The following NBEA variants were observed in gnomAD, a reference collection of about 807,000 sequenced individuals.
The protein encoded by NBEA is neurobeachin, also known as lysosomal-trafficking regulator 2.
Under a neutral mutation model 343.4 loss-of-function variants are expected in NBEA, and 44 were observed. The observed-to-expected ratio is 0.13, with a 90% CI of 0.10 to 0.16. NBEA has a LOEUF of 0.16. NBEA is among the 10% of genes least tolerant of loss of function. The probability of loss-of-function intolerance (pLI) is 1.00; values close to 1 mark genes in which losing one functional copy is unlikely to be tolerated. For synonymous variants in NBEA, 1,175 were observed against 1,238.7 expected (o/e 0.95, Z 1.08); for missense variants, 2,555 against 3,631.3 (o/e 0.70, Z 7.62).
intron 49 of NBEA, among the ~76,000 whole-genome samples, chr13:35,638,240 A>C (rs933178478): frequency 6.6e-6 from 1 of 152,218 alleles, no homozygotes; most frequent in Non-Finnish European, 1.5e-5. Flanking sequence ...AAAAATGGTT[A>C]AGATGGTAAA....
Position 35,472,317 on chromosome 13 carries a change from A to G in NBEA, c.6449-83A>G, listed in dbSNP as rs893781455. The G allele has an allele frequency of 7.9e-5, 118 of 1,493,168 alleles. 1 individual carries two copies. In the Admixed American group the frequency reaches 2.5e-3, roughly 32 times the overall value. The allele number at this position is 1,493,168 out of a possible 1,614,324, so 92.5% of individuals were successfully genotyped here. On this transcript the variant is annotated intron_variant, in intron 40 of 58. Coordinates refer to ENST00000379939, the MANE Select transcript of NBEA (RefSeq NM_001385012.1). ...CATTTTTTCTAGTGCATCCTTACCA[A>G]TAAAAACCTCTGGTACCTTTCTGGG...
intron 6 of NBEA, among the ~76,000 whole-genome samples, chr13:35,054,425 T>C (rs2063172701): frequency 6.6e-6 from 1 of 152,066 alleles, no homozygotes; most frequent in South Asian, 2.1e-4. Flanking sequence ...CTGATTTTAA[T>C]CAGGGCTAAC....
rs543541596 is a variant in NBEA at position 34,982,273 on chromosome 13, A to C, written c.294+39159A>C. On this transcript the variant is annotated intron_variant, in intron 1 of 58. Transcript: ENST00000379939. ...GATTAGTTAGGAGTGTTGTTTTTGAAGGCATTTCTAAAGATTTTGTTGTTA... is the reference window on the plus strand; with the variant it reads ...GATTAGTTAGGAGTGTTGTTTTTGACGGCATTTCTAAAGATTTTGTTGTTA... Among the ~76,000 whole-genome samples the C allele has an allele frequency of 4.0e-5, 6 of 151,870 alleles. No individual in the cohort carries two copies. The South Asian group carries it at 8.3e-4, about 21-fold the overall frequency.
At chr13:35,081,793 T>G (rs1298139734) in intron 10 of NBEA, among the ~76,000 whole-genome samples, 1 of 152,180 alleles carries the variant, frequency 6.6e-6, no homozygotes, top group African/African-American at 2.4e-5. Context: ...TTTTGTTGAT[T>G]AAAAATACTT....
chr13:34,989,039 T>A (rs1331986504), intron 1 of NBEA, among the ~76,000 whole-genome samples: 1 of 150,884 alleles, frequency 6.6e-6, no homozygotes, highest in Non-Finnish European at 1.5e-5. Flanking sequence ...CTTTTCTGCC[T>A]TCTTTGGATT....
At position 34,943,120 on chromosome 13, in the gene NBEA, GA is replaced by G; in HGVS notation, c.294+10del. 6.2e-7 allele frequency: 1 copy of G among 1,612,976 alleles called. No homozygotes were observed. Among genetic ancestry groups the G allele is most frequent in the Non-Finnish European group, 8.5e-7 (1 of 1,179,606 alleles). ...TGGAGACGGTGCTCAACCTGGTAAGGAAAAGGCGTGCTCTCAATCTGCTTCC... is the reference window on the plus strand; with the variant it reads ...TGGAGACGGTGCTCAACCTGGTAAGGAAAGGCGTGCTCTCAATCTGCTTCC... On this transcript the variant is annotated splice_region_variant and intron_variant, in intron 1 of 58. Transcript: ENST00000379939.
At chr13:35,332,832 A>G (rs550353670) in intron 36 of NBEA, among the ~76,000 whole-genome samples, 8 of 152,258 alleles carry the variant, frequency 5.3e-5, no homozygotes, top group South Asian at 2.1e-4. Flanking sequence ...CAGAATATTC[A>G]CATTCTACAT....
intron 38 of NBEA, among the ~76,000 whole-genome samples, chr13:35,371,520 G>A (rs2105173): frequency 6.6e-6 from 1 of 151,646 alleles, no homozygotes; most frequent in Non-Finnish European, 1.5e-5. Context: ...AATTGGTTTT[G>A]TGATTTATTT....
intron 40 of NBEA, among the ~76,000 whole-genome samples, chr13:35,467,156 AACTG>A (rs1290642296): frequency 6.6e-6 from 1 of 152,156 alleles, no homozygotes; most frequent in Non-Finnish European, 1.5e-5. Flanking sequence ...GTTTTAGGGA[AACTG>A]ACTGTACCAT....
At chr13:35,546,882 G>A (rs2079089145) in intron 41 of NBEA, among the ~76,000 whole-genome samples, 1 of 151,956 alleles carries the variant, frequency 6.6e-6, no homozygotes, top group Admixed American at 6.6e-5. Context: ...AATGTATTAT[G>A]GAATGAAACT....
intron 1 of NBEA, among the ~76,000 whole-genome samples, chr13:34,962,288 G>C (rs2059686741): frequency 1.3e-5 from 2 of 151,922 alleles, no homozygotes; most frequent in African/African-American, 4.8e-5. Flanking sequence ...GTGTACATAT[G>C]TGTCTATATA....
chr13:35,630,020 G>A (rs900690530), intron 49 of NBEA, among the ~76,000 whole-genome samples: 1 of 151,872 alleles, frequency 6.6e-6, no homozygotes, highest in Non-Finnish European at 1.5e-5. Context: ...AGTTAATCCT[G>A]TTGGGCAAAA....
intron 16 of NBEA, among the ~76,000 whole-genome samples, chr13:35,121,245 C>T (rs1593413429): frequency 6.6e-6 from 1 of 152,116 alleles, no homozygotes. Flanking sequence ...ACTGGCACTA[C>T]AGGCATGTGC....
At chr13:35,215,009 A>G (rs2073988156) in intron 33 of NBEA, among the ~76,000 whole-genome samples, 1 of 151,352 alleles carries the variant, frequency 6.6e-6, no homozygotes, top group Admixed American at 6.6e-5. Context: ...ATTCTGTCCC[A>G]TGAACTATAT....
chr13:35,179,802 G>C (rs1252701254), intron 28 of NBEA: 1 of 984,296 alleles, frequency 1.0e-6, no homozygotes, highest in African/African-American at 1.7e-5. Flanking sequence ...TTCTTGGTTG[G>C]TATCTTTTCT....
intron 38 of NBEA, among the ~76,000 whole-genome samples, chr13:35,385,094 T>C (rs924207599): frequency 1.3e-5 from 2 of 152,218 alleles, no homozygotes; most frequent in Non-Finnish European, 2.9e-5. Context: ...GATAGTTTTA[T>C]TCTTCAAGTA....
intron 33 of NBEA, among the ~76,000 whole-genome samples, chr13:35,219,199 G>T (rs1190372515): frequency 3.3e-5 from 5 of 151,810 alleles, no homozygotes; most frequent in Non-Finnish European, 7.4e-5. Flanking sequence ...CTGCCTTCCT[G>T]CCTTGCCTTC....
intron 38 of NBEA, among the ~76,000 whole-genome samples, chr13:35,370,388 A>G (rs899388562): frequency 2.0e-5 from 3 of 151,862 alleles, no homozygotes; most frequent in Admixed American, 6.6e-5. Flanking sequence ...TACATGGAAT[A>G]TTGTTTCCCA....
chr13:35,623,699 A>G (rs2083098428), intron 48 of NBEA, among the ~76,000 whole-genome samples: 1 of 152,150 alleles, frequency 6.6e-6, no homozygotes, highest in Admixed American at 6.5e-5. Context: ...TAAAACTGAG[A>G]TGAAATGGAT....
Sources: allele counts gnomAD v4.1 joint callset (sites outside exome capture counted in the v4.1 genomes callset), GRCh38; gene constraint gnomAD v4.1.1; transcripts MANE v1.5; gene names NCBI Gene and HGNC (gene_info 2026-07-23, HGNC 2026-07-21).